CDK14: variants seen among roughly 807,000 people sequenced by gnomAD.
The protein encoded by CDK14 is cyclin dependent kinase 14.
CDK14 carries 34 observed loss-of-function variants against 60.7 expected under a neutral mutation model. The observed-to-expected ratio is 0.56, with a 90% CI of 0.43 to 0.75. CDK14 has a LOEUF of 0.75. CDK14 is among the 30% of genes least tolerant of loss of function. The pLI, the probability that CDK14 is intolerant of heterozygous loss-of-function variation, is 0.00. For missense variants in CDK14, 482 were observed against 564.1 expected (o/e 0.85, Z 1.47); for synonymous variants, 197 against 203.7 (o/e 0.97, Z 0.28).
chr7:90,841,365 T>A (rs1270608585), intron 5 of CDK14, among the ~76,000 whole-genome samples: 1 of 152,058 alleles, frequency 6.6e-6, no homozygotes, highest in Non-Finnish European at 1.5e-5. Context: ...ATGTTAATAC[T>A]AGGGGAACCT....
intron 2 of CDK14, among the ~76,000 whole-genome samples, chr7:90,712,457 T>C (rs186208847): frequency 6.6e-6 from 1 of 152,210 alleles, no homozygotes; most frequent in East Asian, 1.9e-4. Flanking sequence ...ATCCATGTTG[T>C]ATCATGTATC....
chr7:91,160,176 G>A (rs988246051), intron 14 of CDK14, among the ~76,000 whole-genome samples: 6 of 152,102 alleles, frequency 3.9e-5, no homozygotes, highest in African/African-American at 1.4e-4. Context: ...GAAGATGAAA[G>A]AAAATGAAAA....
At chr7:91,095,045 T>C (rs921751628) in intron 12 of CDK14, among the ~76,000 whole-genome samples, 2 of 152,224 alleles carry the variant, frequency 1.3e-5, no homozygotes, top group Non-Finnish European at 2.9e-5. Context: ...TCTGGATGTT[T>C]GGGAATGCTG....
In CDK14 at chr7:91,184,778, G is replaced by T. The variant is rs116411332; in HGVS notation, c.*29-22387G>T. 4.6e-3 allele frequency among the ~76,000 whole-genome samples: 694 copies of T among 152,164 alleles called. 11 individuals are homozygous for T. The highest frequency in any genetic ancestry group is 0.016 in the African/African-American group (660 of 41,508). On this transcript the variant is annotated intron_variant, in intron 14 of 14. Transcript: ENST00000380050. The stretch of plus-strand genomic sequence containing the variant: ...AAGCACGGAATCAAGGTTGAAAATG[G>T]TTCTGATGGAGCAGGAAAGTTGGGG...
intron 14 of CDK14, among the ~76,000 whole-genome samples, chr7:91,146,798 A>G (rs1016472027): frequency 6.6e-6 from 1 of 152,064 alleles, no homozygotes; most frequent in Non-Finnish European, 1.5e-5. Context: ...CAGTCATTCC[A>G]ATCTCAACTT....
chr7:90,908,576 T>C (rs2117385321), intron 7 of CDK14, among the ~76,000 whole-genome samples: 1 of 151,012 alleles, frequency 6.6e-6, no homozygotes, highest in African/African-American at 2.5e-5. Context: ...CTCTCTCCAG[T>C]TTAAGATGGA....
At chr7:91,071,239 G>T (rs1375947064) in intron 11 of CDK14, among the ~76,000 whole-genome samples, 1 of 152,214 alleles carries the variant, frequency 6.6e-6, no homozygotes, top group Non-Finnish European at 1.5e-5. Flanking sequence ...ATAATTTGGG[G>T]CAGGGCCAAG....
chr7:91,187,053 C>T (rs187452171), intron 14 of CDK14, among the ~76,000 whole-genome samples: 41 of 152,296 alleles, frequency 2.7e-4, no homozygotes, highest in African/African-American at 6.3e-4. Context: ...AAAAACAGTA[C>T]GTAATTATGT....
chr7:91,188,954 C>G (rs919267552), intron 14 of CDK14, among the ~76,000 whole-genome samples: 2 of 152,096 alleles, frequency 1.3e-5, no homozygotes, highest in Non-Finnish European at 2.9e-5. Flanking sequence ...TATTTTATTT[C>G]TTCAGACATG....
chr7:91,045,763 A>G (rs925813105), intron 10 of CDK14, 134 bp from the exon 11 acceptor site: 5 of 587,514 alleles, frequency 8.5e-6, no homozygotes, highest in Middle Eastern at 6.6e-4. Flanking sequence ...CTGAAATAAA[A>G]TCTCTGGCAT....
At position 90,740,292 on chromosome 7, in the gene CDK14, A is replaced by G. The variant is rs199896558; in HGVS notation, c.370-7389A>G. The stretch of plus-strand genomic sequence containing the variant: ...ATATAGAGAGAGAGAGAGAGAGAGA[A>G]AGAAAGAAAGAGAAAGAGTGTGTGT... On this transcript the variant is annotated intron_variant, in intron 3 of 14. Coordinates refer to ENST00000380050, the MANE Select transcript of CDK14 (RefSeq NM_001287135.2). Among the ~76,000 whole-genome samples, 93 of 123,464 alleles carry G rather than the reference A, an allele frequency of 7.5e-4. 1 individual carries two copies. In the East Asian group the frequency reaches 0.016, roughly 21 times the overall value. 81.0% of individuals were successfully genotyped at this position (123,464 alleles called of 152,430 possible). A position where few individuals can be genotyped will look rare whatever the true frequency, so the allele number is the denominator to read the frequency against.
chr7:90,613,817 T>C (rs1799593915), intron 2 of CDK14, among the ~76,000 whole-genome samples: 1 of 152,158 alleles, frequency 6.6e-6, no homozygotes, highest in Non-Finnish European at 1.5e-5. Flanking sequence ...CTATTTTCCT[T>C]CTGACTGGAA....
Position 91,208,898 on chromosome 7 carries a change from G to A in CDK14, c.*1762G>A, listed in dbSNP as rs1277091093. On this transcript the variant is annotated 3_prime_UTR_variant, in exon 15 of 15. Transcript: ENST00000380050. The stretch of plus-strand genomic sequence containing the variant: ...TTTAAAGAGAGCAGAAAACACCCAA[G>A]TGTAGAATGTCTACTGTTTGCTACC... The A allele has an allele frequency of 2.6e-5, 4 of 152,630 alleles. No homozygotes were observed. Among genetic ancestry groups the A allele is most frequent in the Non-Finnish European group, 4.4e-5 (3 of 68,042 alleles). 9.5% of individuals were successfully genotyped at this position (152,630 alleles called of 1,614,324 possible).
chr7:91,106,482 T>A (rs1318658048), intron 12 of CDK14, among the ~76,000 whole-genome samples: 1 of 152,106 alleles, frequency 6.6e-6, no homozygotes, highest in Non-Finnish European at 1.5e-5. Context: ...GAAAGGTGAT[T>A]AAATAAATTA....
At chr7:90,898,575 C>A (rs1792407326) in intron 6 of CDK14, among the ~76,000 whole-genome samples, 1 of 151,964 alleles carries the variant, frequency 6.6e-6, no homozygotes, top group Admixed American at 6.6e-5. Context: ...ATAGTAACTA[C>A]ATGCTTTTAA....
chr7:91,056,912 G>A lies in CDK14; in HGVS notation c.1105+10952G>A, dbSNP rs531956673. Among the ~76,000 whole-genome samples, 147 of 152,160 alleles carry A rather than the reference G, an allele frequency of 9.7e-4. 1 individual carries two copies. Among genetic ancestry groups the A allele is most frequent in the Admixed American group, 2.2e-3 (34 of 15,294 alleles). ...ATAGCAGCATGATTTATAGTCCTTT[G>A]GGTATATACCCAGTAATGGGATGGC... On this transcript the variant is annotated intron_variant, in intron 11 of 14. Coordinates refer to ENST00000380050, the MANE Select transcript of CDK14 (RefSeq NM_001287135.2).
chr7:90,917,594 TTTTC>T lies in CDK14; in HGVS notation c.703-6_703-3del. The T allele has an allele frequency of 1.2e-6, 2 of 1,611,072 alleles. No homozygotes were observed. The highest frequency in any genetic ancestry group is 1.7e-6 in the Non-Finnish European group (2 of 1,177,922). ...CTGATTTTAACCTTTGTCTCCTTAT[TTTTC>T]AGTTGTTTTTATTTCAGTTGCTGCG... On this transcript the variant is annotated splice_region_variant and splice_polypyrimidine_tract_variant and intron_variant, in intron 7 of 14. Transcript: ENST00000380050.
intron 8 of CDK14, among the ~76,000 whole-genome samples, chr7:90,932,203 T>C (rs1793614712): frequency 6.6e-6 from 1 of 152,142 alleles, no homozygotes. Context: ...TGAAAAGTCA[T>C]TTCTGAAACT....
At chr7:90,840,123 T>C (rs1251171684) in intron 5 of CDK14, among the ~76,000 whole-genome samples, 5 of 152,214 alleles carry the variant, frequency 3.3e-5, no homozygotes, top group Non-Finnish European at 1.5e-5. Flanking sequence ...CTTGTCACTG[T>C]CACCAGAAGC....
Sources: allele counts gnomAD v4.1 joint callset (sites outside exome capture counted in the v4.1 genomes callset), GRCh38; gene constraint gnomAD v4.1.1; transcripts MANE v1.5; gene names NCBI Gene and HGNC (gene_info 2026-07-23, HGNC 2026-07-21).